The following SLC39A4 variants were observed in gnomAD, a reference collection of about 807,000 sequenced individuals.
SLC39A4 encodes the protein solute carrier family 39 member 4, also known as zinc transporter ZIP4.
Under a neutral mutation model 56.6 loss-of-function variants are expected in SLC39A4, and 49 were observed. The ratio of observed to expected loss-of-function variants is 0.87; its 90% confidence interval spans 0.69 to 1.10. SLC39A4 has a LOEUF of 1.10. Among genes scored for constraint, SLC39A4 ranks in the 50% least tolerant of loss-of-function variants. The pLI is 0.00. For synonymous variants in SLC39A4, 540 were observed against 420.4 expected, an observed-to-expected ratio of 1.28 and a Z score of -3.48; for missense variants, 993 against 864.2, an observed-to-expected ratio of 1.15 and a Z score of -1.87.
rs116345186 is a variant in SLC39A4 at position 144,415,228 on chromosome 8, G to A, written c.666C>T (p.Ala222=). The change falls in exon 3 of 12, where the codon GCC becomes GCT. Residue 222 remains alanine (A), a splice_region_variant and synonymous_variant. Coordinates refer to ENST00000301305, the MANE Select transcript of SLC39A4 (RefSeq NM_130849.4). ...TCCACAGCCCAGCCCAGGCCTCACC[G>A]GCCAGCGTCATAGGGACCTCGCTGC... ...QHSSEVPMTL[A]ELSALMQRLG... The A allele has an allele frequency of 1.3e-4, 203 of 1,612,936 alleles. No homozygotes were observed. The highest frequency in any genetic ancestry group is 4.7e-4 in the Admixed American group (28 of 60,020).
chr8:144,415,741 C>T, intron 2 of SLC39A4, 69 bp downstream of exon 2: 1 of 1,483,000 alleles, frequency 6.7e-7, no homozygotes, highest in Non-Finnish European at 8.9e-7. Flanking sequence ...GCTTTGCAGC[C>T]AGGCCGGGTC....
chr8:144,415,238 A>G lies in SLC39A4; in HGVS notation c.656T>C (p.Met219Thr). ...VFQQHSSEVP[M>T]TLAELSALMQ... Reference sequence around the variant, plus strand: ...AGCCCAGGCCTCACCGGCCAGCGTCATAGGGACCTCGCTGCTGTGCTGCTG... The same window carrying G: ...AGCCCAGGCCTCACCGGCCAGCGTCGTAGGGACCTCGCTGCTGTGCTGCTG... Residue 219 changes from methionine (M) to threonine (T), a missense_variant, in exon 3 of 12, where the codon ATG becomes ACG. Physicochemically the swap from Met to Thr is moderately conservative, Grantham distance 81 (BLOSUM62 -1). Transcript: ENST00000301305. 3 of 1,613,026 alleles carry G rather than the reference A, an allele frequency of 1.9e-6. No homozygotes were observed. The highest frequency in any genetic ancestry group is 2.5e-6 in the Non-Finnish European group (3 of 1,179,836).
chr8:144,415,495 T>G (rs1391422214), intron 2 of SLC39A4, 76 bp from the exon 3 acceptor site: 1 of 1,456,998 alleles, frequency 6.9e-7, no homozygotes, highest in Admixed American at 2.0e-5. Context: ...TGGATGCATC[T>G]CCCACCCCAA....
At position 144,414,745 on chromosome 8, in the gene SLC39A4, TCCTGGACGGGGGG is replaced by T. The variant is rs781807410; in HGVS notation, c.943_955del (p.Pro315ThrfsTer30). The T allele has an allele frequency of 6.2e-7, 1 of 1,612,906 alleles. No individual in the cohort carries two copies. Among genetic ancestry groups the T allele is most frequent in the South Asian group, 1.1e-5 (1 of 91,072 alleles). On this transcript the variant is annotated frameshift_variant, in exon 5 of 12. Transcript: ENST00000301305. LOFTEE classifies it high-confidence loss of function. ...CTCACTCTCTGACTGGCTGAGCTGG[TCCTGGACGGGGGG>T]CCTGGACTGGGAGGTGCAGGCTCCA... is the stretch of plus-strand genomic sequence containing the variant.
rs782711781 is a variant in SLC39A4, at chr8:144,413,835, C to A, written c.1334G>T (p.Gly445Val). ...CTGCAGGGACACACCGTGGCTGTGG[C>A]CCCCGTGGCTATGGCTGCTGTGGCC... The part of the protein sequence containing the change: ...PCGHSSHSHG[G>V]HSHGVSLQLA... Residue 445 changes from glycine (G) to valine (V), a missense_variant, in exon 8 of 12, where the codon GGC (glycine) becomes GTC (valine). By Grantham distance (109) the Gly-to-Val change is moderately radical. Coordinates refer to ENST00000301305, the MANE Select transcript of SLC39A4 (RefSeq NM_130849.4). The A allele has an allele frequency of 6.3e-7, 1 of 1,592,932 alleles. No individual in the cohort carries two copies. Among genetic ancestry groups the A allele is most frequent in the Admixed American group, 1.7e-5 (1 of 57,938 alleles).
intron 7 of SLC39A4, 25 bp downstream of exon 7, chr8:144,413,933 C>A (rs376084728): frequency 6.2e-7 from 1 of 1,610,678 alleles, no homozygotes; most frequent in Admixed American, 1.7e-5. Flanking sequence ...ACCCACCCGC[C>A]GGGTACCTTC....
chr8:144,413,231 G>T lies in SLC39A4; in HGVS notation c.1627+6C>A. ...CCATCTCCTTCCAGGCCCCGCCTGC[G>T]CTCACCCAGCTCGTGTGGCAACTCG... On this transcript the variant is annotated splice_donor_region_variant and intron_variant, in intron 10 of 11. Transcript: ENST00000301305. 1 of 1,567,772 alleles carries T rather than the reference G, an allele frequency of 6.4e-7. No individual in the cohort carries two copies.
At chr8:144,414,231 G>A in intron 6 of SLC39A4, 31 bp downstream of exon 6, 1 of 1,602,198 alleles carries the variant, frequency 6.2e-7, no homozygotes, top group Non-Finnish European at 8.5e-7. Flanking sequence ...GGGGAACGGA[G>A]GGCCAGGGTC....
chr8:144,413,918 A>G, intron 7 of SLC39A4, 37 bp from the exon 8 acceptor site: 1 of 1,610,406 alleles, frequency 6.2e-7, no homozygotes, highest in African/African-American at 1.3e-5. Context: ...CCAGGCCCCC[A>G]GCACACCCAC....
intron 8 of SLC39A4, 90 bp from the exon 9 acceptor site, chr8:144,413,657 G>A: frequency 1.3e-6 from 2 of 1,543,924 alleles, no homozygotes; most frequent in Non-Finnish European, 1.7e-6. Flanking sequence ...GGGAGGCGGA[G>A]CCGCAGGCCT....
At position 144,413,984 on chromosome 8, in the gene SLC39A4, T is replaced by TGA. The variant is rs782073365; in HGVS notation, c.1259_1260dup (p.Asn421SerfsTer63). 2 of 1,609,418 alleles carry TGA rather than the reference T, an allele frequency of 1.2e-6. No homozygotes were observed. The highest frequency in any genetic ancestry group is 1.7e-6 in the Non-Finnish European group (2 of 1,178,110). On this transcript the variant is annotated frameshift_variant, in exon 7 of 12. Coordinates refer to ENST00000301305, the MANE Select transcript of SLC39A4 (RefSeq NM_130849.4). LOFTEE classifies it high-confidence loss of function. ...TCCGGGTCCCTGGGCAGCAGGAGATTGAAGAGGTTCTCAAACAGGAAGAAG... is the reference window on the plus strand; with the variant it reads ...TCCGGGTCCCTGGGCAGCAGGAGATTGAGAAGAGGTTCTCAAACAGGAAGAAG...
chr8:144,414,558 T>G, intron 5 of SLC39A4, 124 bp from the exon 6 acceptor site: 1 of 1,499,950 alleles, frequency 6.7e-7, no homozygotes, highest in Non-Finnish European at 9.0e-7. Context: ...CTGACCCTCC[T>G]GCCTCAAAGC....
Position 144,415,110 on chromosome 8 carries a change from T to G in SLC39A4, c.668A>C (p.Glu223Ala). 1 of 1,612,266 alleles carries G rather than the reference T, an allele frequency of 6.2e-7. No individual in the cohort carries two copies. The highest frequency in any genetic ancestry group is 8.5e-7 in the Non-Finnish European group (1 of 1,179,894). The change falls in exon 4 of 12, where the codon GAG becomes GCG. Residue 223 changes from glutamate to alanine, a missense_variant and splice_region_variant. Transcript: ENST00000301305. Reference protein sequence around the residue: ...HSSEVPMTLAELSALMQRLGV... With the variant: ...HSSEVPMTLAALSALMQRLGV... Reference sequence around the variant, plus strand: ...CAGGCGCTGCATCAAGGCTGACAGCTCTGGCAGGGAGAAGAGTTGGCACCG... The same window carrying G: ...CAGGCGCTGCATCAAGGCTGACAGCGCTGGCAGGGAGAAGAGTTGGCACCG...
chr8:144,414,575 C>T (rs782359899), intron 5 of SLC39A4, 141 bp from the exon 6 acceptor site: 8 of 1,490,516 alleles, frequency 5.4e-6, no homozygotes, highest in Non-Finnish European at 7.2e-6. Flanking sequence ...AAGCCCCACT[C>T]TCCTGGCGAC....
chr8:144,416,721 G>A lies in SLC39A4; in HGVS notation c.69C>T (p.Ser23=), dbSNP rs782814117. Residue 23 remains serine, a synonymous_variant, in exon 1 of 12, where the codon TCC becomes TCT. Transcript: ENST00000301305. The part of the protein sequence containing the change: ...LAVLVVTATA[S]PPAGLLSLLT... ...GCAGGCTCAGCAGACCAGCAGGCGGGGACGCCGTCGCCGTCACCACCAGCA... is the reference window on the plus strand; with the variant it reads ...GCAGGCTCAGCAGACCAGCAGGCGGAGACGCCGTCGCCGTCACCACCAGCA... 6.2e-7 allele frequency: 1 copy of A among 1,612,648 alleles called. No individual in the cohort carries two copies. The highest frequency in any genetic ancestry group is 8.5e-7 in the Non-Finnish European group (1 of 1,179,834).
Position 144,414,294 on chromosome 8 carries a change from T to C in SLC39A4, c.1117A>G (p.Thr373Ala), listed in dbSNP as rs2130797520. 1 of 1,608,710 alleles carries C rather than the reference T, an allele frequency of 6.2e-7. No homozygotes were observed. The highest frequency in any genetic ancestry group is 1.7e-4 in the Middle Eastern group (1 of 6,010). ...TFLSLAVGAV[T>A]GDAVLHLTPK... ...GTCAGATGCAGGACAGCGTCCCCAGTGACTGCACCCACTGCCAGGCTCAGG... is the reference window on the plus strand; with the variant it reads ...GTCAGATGCAGGACAGCGTCCCCAGCGACTGCACCCACTGCCAGGCTCAGG... The change falls in exon 6 of 12, where the codon ACT (threonine) becomes GCT (alanine). Residue 373 changes from threonine (T) to alanine (A), a missense_variant. Transcript: ENST00000301305.
rs1822045983 is a variant in SLC39A4, at chr8:144,414,074, T to C, written c.1171A>G (p.Ser391Gly). Residue 391 changes from serine to glycine, a missense_variant, in exon 7 of 12, where the codon AGC (serine) becomes GGC (glycine). Ser to Gly is a moderately conservative substitution (Grantham distance 56, BLOSUM62 0). Coordinates refer to ENST00000301305, the MANE Select transcript of SLC39A4 (RefSeq NM_130849.4). Reference protein sequence around the residue: ...TPKVLGLHTHSEEGLSPQPTW... With the variant: ...TPKVLGLHTHGEEGLSPQPTW... ...GGCTGTGGGCTGAGGCCCTCTTCGCTGTGTGTATGCAGCCCCAGCACCTGG... is the reference window on the plus strand; with the variant it reads ...GGCTGTGGGCTGAGGCCCTCTTCGCCGTGTGTATGCAGCCCCAGCACCTGG... 1 of 1,561,084 alleles carries C rather than the reference T, an allele frequency of 6.4e-7. No individual in the cohort carries two copies. The highest frequency in any genetic ancestry group is 1.2e-5 in the South Asian group (1 of 85,290).
rs782302424 is a variant in SLC39A4, at chr8:144,413,785, G to A, written c.1384C>T (p.Pro462Ser). 5.2e-6 allele frequency: 8 copies of A among 1,549,612 alleles called. No homozygotes were observed. The highest frequency in any genetic ancestry group is 2.3e-4 in the Middle Eastern group (1 of 4,408). ...LQLAPSELRQ[P>S]KPPHEGSRAD... is the part of the protein sequence containing the mutation. ...CGGGAGCCCTCGTGGGGGGGCTTGG[G>A]CTGCCGGAGCTCGCTGGGTGCCAGC... Residue 462 changes from proline to serine, a missense_variant, in exon 8 of 12, where the codon CCC (proline) becomes TCC (serine). Transcript: ENST00000301305.
Position 144,414,901 on chromosome 8 carries a change from G to T in SLC39A4, c.805-5C>A, listed in dbSNP as rs782573014. ...GTCCCTGGCACTCAGGCATACCTGGGGGGTGGCAGGACAGGCTCAGGGGCC... is the reference window on the plus strand; with the variant it reads ...GTCCCTGGCACTCAGGCATACCTGGTGGGTGGCAGGACAGGCTCAGGGGCC... On this transcript the variant is annotated splice_region_variant and splice_polypyrimidine_tract_variant and intron_variant, in intron 4 of 11. Transcript: ENST00000301305. The T allele has an allele frequency of 6.2e-7, 1 of 1,613,230 alleles. No homozygotes were observed. The highest frequency in any genetic ancestry group is 8.5e-7 in the Non-Finnish European group (1 of 1,179,946).
Sources: gnomAD v4.1 joint callset for allele counts on GRCh38, gnomAD v4.1.1 for gene constraint, MANE v1.5 for transcripts, NCBI Gene and HGNC (gene_info 2026-07-23, HGNC 2026-07-21) for gene names.